The following SOX30 variants were observed in gnomAD, a reference collection of about 807,000 sequenced individuals.
SOX30 encodes SRY-box transcription factor 30.
A neutral mutation model predicts 58.6 loss-of-function variants in SOX30; 17 were observed. The ratio of observed to expected loss-of-function variants is 0.29; its 90% CI spans 0.20 to 0.44. The LOEUF (loss-of-function observed/expected upper bound fraction) is 0.44, where lower values mean the gene tolerates loss of function less well. SOX30 is among the 20% of genes least tolerant of loss of function. The pLI is 1.00. For synonymous variants in SOX30, 421 were observed against 400.2 expected, an observed-to-expected ratio of 1.05 and a Z score of -0.62; for missense variants, 951 against 965.8, an observed-to-expected ratio of 0.98 and a Z score of 0.20.
intron 3 of SOX30, among the ~76,000 whole-genome samples, chr5:157,639,986 T>G: frequency 6.6e-6 from 1 of 152,196 alleles, no homozygotes; most frequent in East Asian, 1.9e-4. Flanking sequence ...AGAAACAGGA[T>G]GTAATGATGC....
chr5:157,630,047 A>C (rs139614685), intron 4 of SOX30, among the ~76,000 whole-genome samples: 279 of 152,330 alleles, frequency 1.8e-3, no homozygotes, highest in African/African-American at 6.3e-3. Context: ...AGGAGAATAT[A>C]AGTGATGGAA....
chr5:157,631,047 TTATATATA>T (rs755427047), intron 4 of SOX30, among the ~76,000 whole-genome samples: 71 of 53,280 alleles, frequency 1.3e-3, no homozygotes, highest in Middle Eastern at 9.3e-3. Context: ...TATATATATT[TTATATATA>T]TATATATATA....
In SOX30 at chr5:157,651,068, C is replaced by G. The variant is rs866594424; in HGVS notation, c.967+44G>C. On this transcript the variant is annotated intron_variant, in intron 1 of 4. Coordinates refer to ENST00000265007, the MANE Select transcript of SOX30 (RefSeq NM_178424.2). ...CTGCTGACAAAACAGCTATGGGCAA[C>G]ACAGACGCAGTTTTGAAAACCCGAC... The G allele has an allele frequency of 2.0e-5, 28 of 1,408,182 alleles. No individual in the cohort carries two copies. In the Middle Eastern group the frequency reaches 3.3e-3, roughly 168 times the overall value. The allele number at this position is 1,408,182 out of a possible 1,614,324, so 87.2% of individuals were successfully genotyped here.
Position 157,652,303 on chromosome 5 carries a change from T to G in SOX30, c.-225A>C. The G allele has an allele frequency of 8.1e-7, 1 of 1,231,544 alleles. No individual in the cohort carries two copies. Among genetic ancestry groups the G allele is most frequent in the Non-Finnish European group, 1.0e-6 (1 of 988,676 alleles). 76.3% of individuals were successfully genotyped at this position (1,231,544 alleles called of 1,614,324 possible). Reference sequence around the variant, plus strand: ...GCTCTTCCTGGTCCCTACTCTCGCCTCGTGCTGAGTCCTCGAATCACCTGC... The same window carrying G: ...GCTCTTCCTGGTCCCTACTCTCGCCGCGTGCTGAGTCCTCGAATCACCTGC... On this transcript the variant is annotated 5_prime_UTR_variant, in exon 1 of 5. Transcript: ENST00000265007.
At chr5:157,637,671 A>C (rs1758962517) in intron 4 of SOX30, among the ~76,000 whole-genome samples, 1 of 152,112 alleles carries the variant, frequency 6.6e-6, no homozygotes, top group Non-Finnish European at 1.5e-5. Flanking sequence ...GTTATTTTGC[A>C]TGAAAAATTA....
At chr5:157,669,016 T>G (rs1037719570) in intron 1 of SOX30, among the ~76,000 whole-genome samples, 1 of 152,046 alleles carries the variant, frequency 6.6e-6, no homozygotes, top group Non-Finnish European at 1.5e-5. Flanking sequence ...TGGGAAAGCA[T>G]TTTGACAGGT....
intron 3 of SOX30, among the ~76,000 whole-genome samples, chr5:157,643,599 T>C (rs1422364771): frequency 6.6e-6 from 1 of 152,140 alleles, no homozygotes; most frequent in Non-Finnish European, 1.5e-5. Context: ...GAGTCTATTA[T>C]CTACACCTGA....
chr5:157,637,386 T>A (rs759100591), intron 4 of SOX30, among the ~76,000 whole-genome samples: 1 of 152,174 alleles, frequency 6.6e-6, no homozygotes, highest in East Asian at 1.9e-4. Context: ...ATTTTTCACG[T>A]AGACCAAGTG....
intron 2 of SOX30, among the ~76,000 whole-genome samples, chr5:157,647,147 C>T (rs1406591619): frequency 2.6e-5 from 4 of 151,830 alleles, no homozygotes; most frequent in Admixed American, 6.5e-5. Context: ...CTGCAACCTC[C>T]GCCTCCCAGG....
intron 4 of SOX30, among the ~76,000 whole-genome samples, chr5:157,636,734 T>G (rs1365958743): frequency 2.6e-5 from 4 of 152,228 alleles, no homozygotes; most frequent in Non-Finnish European, 4.4e-5. Context: ...GAAGTAGATT[T>G]ACTTGCTAAG....
chr5:157,644,532 T>C (rs935198727), intron 3 of SOX30, among the ~76,000 whole-genome samples: 7 of 152,178 alleles, frequency 4.6e-5, no homozygotes, highest in African/African-American at 1.7e-4. Context: ...ATAAAATTAA[T>C]GTATCAAATG....
intron 2 of SOX30, among the ~76,000 whole-genome samples, chr5:157,663,079 G>A (rs1759604927): frequency 1.3e-5 from 2 of 152,142 alleles, no homozygotes; most frequent in Admixed American, 6.5e-5. Context: ...GGAAAAAGAG[G>A]AAATCCTCCC....
At chr5:157,655,638 A>G (rs543909202), upstream of SOX30, among the ~76,000 whole-genome samples, 101 of 152,232 alleles carry the variant, frequency 6.6e-4, no homozygotes, top group Non-Finnish European at 1.3e-3. Flanking sequence ...TCCCTTCACT[A>G]CCGAGAAGTG....
chr5:157,666,525 A>C (rs997971482), intron 2 of SOX30, among the ~76,000 whole-genome samples: 1 of 130,342 alleles, frequency 7.7e-6, no homozygotes, highest in Non-Finnish European at 1.6e-5. Context: ...ACACACACAC[A>C]CACCTCAGTT....
intron 4 of SOX30, among the ~76,000 whole-genome samples, chr5:157,628,130 T>C (rs1184371953): frequency 6.6e-6 from 1 of 151,980 alleles, no homozygotes; most frequent in Non-Finnish European, 1.5e-5. Context: ...GCCTGGGCAA[T>C]ATAGTGAGAC....
At chr5:157,635,715 A>G (rs920916566) in intron 4 of SOX30, among the ~76,000 whole-genome samples, 5 of 152,258 alleles carry the variant, frequency 3.3e-5, no homozygotes, top group African/African-American at 4.8e-5. Flanking sequence ...ATACATTAAC[A>G]GTCAAATCTT....
intron 1 of SOX30, among the ~76,000 whole-genome samples, chr5:157,668,122 T>A (rs750211334): frequency 2.0e-5 from 3 of 152,258 alleles, no homozygotes; most frequent in Non-Finnish European, 4.4e-5. Context: ...TCAGCCATTA[T>A]TGGCCAAAGG....
chr5:157,653,503 G>A (rs1318613714), upstream of SOX30, among the ~76,000 whole-genome samples: 9 of 152,218 alleles, frequency 5.9e-5, no homozygotes. Context: ...TAATAAAATA[G>A]TAATAATCAC....
At chr5:157,662,772 T>C (rs1177738581) in intron 2 of SOX30, among the ~76,000 whole-genome samples, 2 of 152,230 alleles carry the variant, frequency 1.3e-5, no homozygotes, top group African/African-American at 4.8e-5. Flanking sequence ...GAAACATTGA[T>C]GGTCTTCTCT....
Sources: gnomAD v4.1 joint callset for allele counts (sites outside exome capture counted in the v4.1 genomes callset) on GRCh38, gnomAD v4.1.1 for gene constraint, MANE v1.5 for transcripts, NCBI Gene and HGNC (gene_info 2026-07-23, HGNC 2026-07-21) for gene names.